Variants in LOC128125817 observed in about 807,000 individuals in gnomAD.
chr1:41,608,095 G>T, the LOC128125817 span, among the ~76,000 whole-genome samples: 1 of 152,322 alleles, frequency 6.6e-6, no homozygotes, highest in Admixed American at 6.5e-5. Flanking sequence ...AGAGAAAAAA[G>T]ATATAAGTGG....
chr1:41,596,071 A>C, the LOC128125817 span, among the ~76,000 whole-genome samples: 105 of 152,222 alleles, frequency 6.9e-4, 1 homozygote, highest in Non-Finnish European at 1.3e-3. Context: ...TCAGGGCTCC[A>C]GGCAGGAGCC....
At chr1:41,590,877 A>G in the LOC128125817 span, among the ~76,000 whole-genome samples, 1 of 152,032 alleles carries the variant, frequency 6.6e-6, no homozygotes, top group Non-Finnish European at 1.5e-5. Flanking sequence ...TAGCTTTGAG[A>G]CTCAGGCAGC....
the LOC128125817 span, among the ~76,000 whole-genome samples, chr1:41,606,996 T>A: frequency 2.6e-5 from 4 of 152,158 alleles, no homozygotes; most frequent in African/African-American, 9.7e-5. Context: ...TTTTTATTTT[T>A]ATTTTTAAAT....
At chr1:41,605,539 G>A in the LOC128125817 span, among the ~76,000 whole-genome samples, 1 of 151,906 alleles carries the variant, frequency 6.6e-6, no homozygotes, top group East Asian at 1.9e-4. Flanking sequence ...AAGCTTATAG[G>A]GAAAGAGAAA....
the LOC128125817 span, among the ~76,000 whole-genome samples, chr1:41,592,299 T>A: frequency 6.6e-6 from 1 of 152,210 alleles, no homozygotes; most frequent in Non-Finnish European, 1.5e-5. Flanking sequence ...CACTTTCCTC[T>A]CTGGGCCTCA....
At chr1:41,599,299 A>C in the LOC128125817 span, among the ~76,000 whole-genome samples, 1 of 152,236 alleles carries the variant, frequency 6.6e-6, no homozygotes, top group African/African-American at 2.4e-5. Context: ...AAGATTAAAC[A>C]ATAAAGCTTG....
At chr1:41,619,015 G>A in the LOC128125817 span, among the ~76,000 whole-genome samples, 5 of 144,796 alleles carry the variant, frequency 3.5e-5, no homozygotes, top group Non-Finnish European at 3.0e-5. Context: ...TGCTGCCCCC[G>A]CCCCCTCCAG....
the LOC128125817 span, among the ~76,000 whole-genome samples, chr1:41,606,734 T>G: frequency 6.6e-6 from 1 of 151,930 alleles, no homozygotes; most frequent in African/African-American, 2.4e-5. Context: ...TAAAAAACTA[T>G]TTTTTTCAAA....
At chr1:41,613,825 C>G in the LOC128125817 span, among the ~76,000 whole-genome samples, 1 of 152,232 alleles carries the variant, frequency 6.6e-6, no homozygotes, top group Non-Finnish European at 1.5e-5. Flanking sequence ...TCCCTTCCCT[C>G]CAGCCCCTGG....
the LOC128125817 span, among the ~76,000 whole-genome samples, chr1:41,600,209 C>T: frequency 1.3e-5 from 2 of 152,176 alleles, no homozygotes; most frequent in Admixed American, 1.3e-4. Context: ...AGCAATTCCC[C>T]TTCTGGGTAT....
chr1:41,623,588 C>T, the LOC128125817 span, among the ~76,000 whole-genome samples: 1 of 152,202 alleles, frequency 6.6e-6, no homozygotes, highest in Non-Finnish European at 1.5e-5. Context: ...AGGCCTGGCT[C>T]TCTTCCTTGC....
At chr1:41,626,386 G>C in the LOC128125817 span, among the ~76,000 whole-genome samples, 1 of 152,194 alleles carries the variant, frequency 6.6e-6, no homozygotes, top group Non-Finnish European at 1.5e-5. Context: ...CAGGAGCCAG[G>C]TTTCTCGCTG....
chr1:41,605,325 T>C, the LOC128125817 span, among the ~76,000 whole-genome samples: 14 of 150,868 alleles, frequency 9.3e-5, no homozygotes, highest in Middle Eastern at 3.4e-3. Flanking sequence ...GTACAATTGT[T>C]CCACATCTTG....
At chr1:41,585,576 A>G in the LOC128125817 span, among the ~76,000 whole-genome samples, 1 of 152,252 alleles carries the variant, frequency 6.6e-6, no homozygotes, top group Non-Finnish European at 1.5e-5. Context: ...GACTGTGGCC[A>G]TGTGGGATGC....
chr1:41,602,277 T>C, the LOC128125817 span, among the ~76,000 whole-genome samples: 1 of 152,144 alleles, frequency 6.6e-6, no homozygotes, highest in African/African-American at 2.4e-5. Flanking sequence ...TTGGAGGTGT[T>C]CCCTCCTCTT....
At chr1:41,592,102 T>C in the LOC128125817 span, among the ~76,000 whole-genome samples, 1 of 152,142 alleles carries the variant, frequency 6.6e-6, no homozygotes, top group African/African-American at 2.4e-5. Context: ...CACCTGGGTC[T>C]CCTCACCACA....
the LOC128125817 span, among the ~76,000 whole-genome samples, chr1:41,620,159 G>A: frequency 0.03 from 4,497 of 152,284 alleles, 221 homozygotes; most frequent in African/African-American, 0.1. Context: ...GCCAAACAGA[G>A]CCCGAACAGA....
At chr1:41,602,786 A>C in the LOC128125817 span, among the ~76,000 whole-genome samples, 2 of 151,772 alleles carry the variant, frequency 1.3e-5, no homozygotes, top group African/African-American at 4.8e-5. Context: ...TTCTTTTTCT[A>C]GGTCTTTGAG....
the LOC128125817 span, among the ~76,000 whole-genome samples, chr1:41,622,607 C>G: frequency 1.3e-5 from 2 of 152,204 alleles, no homozygotes; most frequent in Non-Finnish European, 2.9e-5. Flanking sequence ...AGACTATATG[C>G]CCGGCAAAGC....
Sources: allele counts gnomAD v4.1 joint callset (sites outside exome capture counted in the v4.1 genomes callset), GRCh38; gene constraint gnomAD v4.1.1; transcripts MANE v1.5.